The following ZNF526 variants were observed in gnomAD, a reference collection of about 807,000 sequenced individuals.
ZNF526 encodes zinc finger protein 526.
In ZNF526, 16 loss-of-function variants were observed where a neutral mutation model predicts 32.4. The ratio of observed to expected loss-of-function variants is 0.49; its 90% CI spans 0.33 to 0.75. The LOEUF (loss-of-function observed/expected upper bound fraction) is 0.75. Ranked by LOEUF, ZNF526 falls within the 30% of genes least tolerant of loss-of-function variation. ZNF526 has a pLI of 0.02. For missense variants in ZNF526, 838 were observed against 920.7 expected (o/e 0.91, Z 1.16); for synonymous variants, 355 against 363.4 (o/e 0.98, Z 0.26).
rs937203144 is a variant in ZNF526, at chr19:42,226,969, G to A, written c.*553G>A. 3 of 216,844 alleles carry A rather than the reference G, an allele frequency of 1.4e-5. No individual in the cohort carries two copies. Among genetic ancestry groups the A allele is most frequent in the African/African-American group, 6.9e-5 (3 of 43,262 alleles). 13.4% of individuals were successfully genotyped at this position (216,844 alleles called of 1,614,324 possible). ...AGACTGGGTGATGCTGGAGACCCAG[G>A]AGCAAGTCAGCACAGGCTCTGCCCA... On this transcript the variant is annotated 3_prime_UTR_variant, in exon 3 of 3. Coordinates refer to ENST00000301215, the MANE Select transcript of ZNF526 (RefSeq NM_133444.3).
rs372299932 is a variant in ZNF526 at position 42,224,369 on chromosome 19, C to T, written c.-17-18C>T. The T allele has an allele frequency of 2.1e-5, 33 of 1,601,396 alleles. No individual in the cohort carries two copies. Among genetic ancestry groups the T allele is most frequent in the Admixed American group, 1.5e-4 (9 of 59,980 alleles). ...TGGTTTCCTGCTGTCTCACTGGCTCCTGCCCCTCTTTCTCCAGGCACTGCC... is the reference window on the plus strand; with the variant it reads ...TGGTTTCCTGCTGTCTCACTGGCTCTTGCCCCTCTTTCTCCAGGCACTGCC... On this transcript the variant is annotated intron_variant, in intron 2 of 2. Transcript: ENST00000301215.
rs542226490 is a variant in ZNF526 at position 42,221,814 on chromosome 19, C to T, written c.-109+1427C>T. Among the ~76,000 whole-genome samples, 13 of 148,062 alleles carry T rather than the reference C, an allele frequency of 8.8e-5. No individual in the cohort carries two copies. In the East Asian group the frequency reaches 2.7e-3, roughly 30 times the overall value. On this transcript the variant is annotated intron_variant, in intron 1 of 2. Transcript: ENST00000301215. ...CCTGGGCAACAGAGTGAGACCCTGT[C>T]TCAAAAGGAGGAAAAAAAAAAAAAA...
chr19:42,227,219 C>G lies in ZNF526; in HGVS notation c.*803C>G, dbSNP rs912933777. ...GAAACAGACCTCCATGGTGGGAGATCAGGAGTTAAGGACTTCCTAGAGAAG... is the reference window on the plus strand; with the variant it reads ...GAAACAGACCTCCATGGTGGGAGATGAGGAGTTAAGGACTTCCTAGAGAAG... On this transcript the variant is annotated 3_prime_UTR_variant, in exon 3 of 3. Transcript: ENST00000301215. 1 of 167,356 alleles carries G rather than the reference C, an allele frequency of 6.0e-6. No individual in the cohort carries two copies. The highest frequency in any genetic ancestry group is 1.5e-5 in the Non-Finnish European group (1 of 68,402). The allele number at this position is 167,356 out of a possible 1,614,324, so 10.4% of individuals were successfully genotyped here.
Position 42,225,426 on chromosome 19 carries a change from C to A in ZNF526, c.1023C>A (p.Phe341Leu). ...THECTTCSKV[F>L]KKAASLEQHL... ...AGTGTACAACCTGCTCCAAGGTCTT[C>A]AAGAAAGCAGCATCGCTTGAGCAGC... The change falls in exon 3 of 3, where the codon TTC (phenylalanine) becomes TTA (leucine). Residue 341 changes from phenylalanine (F) to leucine (L), a missense_variant. Phe to Leu is a conservative substitution (Grantham distance 22, BLOSUM62 0). Transcript: ENST00000301215. 6.2e-7 allele frequency: 1 copy of A among 1,614,146 alleles called. No homozygotes were observed. The highest frequency in any genetic ancestry group is 1.1e-5 in the South Asian group (1 of 91,092).
rs1225042156 is a variant in ZNF526, at chr19:42,224,564, A to G, written c.161A>G (p.His54Arg). Residue 54 changes from histidine to arginine, a missense_variant, in exon 3 of 3, where the codon CAT becomes CGT. By Grantham distance (29) the His-to-Arg change is conservative. Transcript: ENST00000301215. ...EALASSLFFQ[H>R]HQFMCSECGS... Reference sequence around the variant, plus strand: ...CTTGCCTCATCCCTCTTCTTCCAGCATCACCAGTTCATGTGCTCTGAGTGT... The same window carrying G: ...CTTGCCTCATCCCTCTTCTTCCAGCGTCACCAGTTCATGTGCTCTGAGTGT... 6.2e-7 allele frequency: 1 copy of G among 1,614,236 alleles called. No homozygotes were observed. Among genetic ancestry groups the G allele is most frequent in the South Asian group, 1.1e-5 (1 of 91,086 alleles).
At chr19:42,220,568 G>C (rs2036111185) in intron 1 of ZNF526, 181 bp downstream of exon 1, 1 of 152,184 alleles carries the variant, frequency 6.6e-6, no homozygotes, top group South Asian at 2.1e-4. Context: ...TAGTGTGCGG[G>C]AGCCTACGCT....
chr19:42,226,122 C>T lies in ZNF526; in HGVS notation c.1719C>T (p.Tyr573=), dbSNP rs777479134. The change falls in exon 3 of 3, where the codon TAC becomes TAT. Residue 573 remains tyrosine (Y), a synonymous_variant. Transcript: ENST00000301215. ...CTGGTCTCTACAACAAGAGTCCCTA[C>T]TACTGCGGGACTTGTGGCCGCTGGT... is the stretch of plus-strand genomic sequence containing the variant. ...PITGLYNKSP[Y]YCGTCGRWFR... The T allele has an allele frequency of 6.2e-7, 1 of 1,606,202 alleles. No individual in the cohort carries two copies. The highest frequency in any genetic ancestry group is 8.5e-7 in the Non-Finnish European group (1 of 1,180,010).
At position 42,225,232 on chromosome 19, in the gene ZNF526, G is replaced by C. The variant is rs752238967; in HGVS notation, c.829G>C (p.Asp277His). 28 of 1,614,040 alleles carry C rather than the reference G, an allele frequency of 1.7e-5. No homozygotes were observed. The Middle Eastern group carries it at 4.9e-4, about 28-fold the overall frequency. The change falls in exon 3 of 3, where the codon GAC (aspartate) becomes CAC (histidine). Residue 277 changes from aspartate to histidine, a missense_variant. Coordinates refer to ENST00000301215, the MANE Select transcript of ZNF526 (RefSeq NM_133444.3). ...AGCTGGCTGGGCTCAGGGCTGCGGG[G>C]ACTGTCCCCAGCACCAGCCCTCAGC... ...STAGWAQGCGDCPQHQPSAGA... is the reference protein window; with the variant it reads ...STAGWAQGCGHCPQHQPSAGA...
Position 42,224,973 on chromosome 19 carries a change from C to T in ZNF526, c.570C>T (p.Ser190=), listed in dbSNP as rs751705385. 9.9e-6 allele frequency: 16 copies of T among 1,614,106 alleles called. No individual in the cohort carries two copies. The highest frequency in any genetic ancestry group is 1.7e-5 in the Admixed American group (1 of 60,006). The change falls in exon 3 of 3, where the codon TCC becomes TCT. Residue 190 remains serine (S), a synonymous_variant. Coordinates refer to ENST00000301215, the MANE Select transcript of ZNF526 (RefSeq NM_133444.3). ...CACTGCCTCCACCTTCTCCCCCATC[C>T]GAAGTCAAGATGGAGCCCTATGAGT... ...PTPLPPPSPP[S]EVKMEPYECP... is the part of the protein sequence containing the mutation.
intron 1 of ZNF526, among the ~76,000 whole-genome samples, chr19:42,221,613 A>G (rs1284702814): frequency 6.6e-6 from 1 of 152,110 alleles, no homozygotes; most frequent in Non-Finnish European, 1.5e-5. Context: ...AGCCTGGGCA[A>G]AAAGAGAGAA....
rs765748362 is a variant in ZNF526 at position 42,225,280 on chromosome 19, C to T, written c.877C>T (p.Arg293Trp). 3.5e-5 allele frequency: 56 copies of T among 1,612,842 alleles called. No homozygotes were observed. The highest frequency in any genetic ancestry group is 1.3e-4 in the East Asian group (6 of 44,868). Residue 293 changes from arginine to tryptophan, a missense_variant, in exon 3 of 3, where the codon CGG becomes TGG. Transcript: ENST00000301215. ...PSAGARRQHR[R>W]TAHSPASATH... ...AGCAGGGGCTCGCCGGCAACACCGG[C>T]GGACGGCTCACAGCCCGGCATCTGC...
In ZNF526 at chr19:42,226,066, G is replaced by A. The variant is rs774338663; in HGVS notation, c.1663G>A (p.Ala555Thr). ...CCGGCGGTTGCACTTGCGGCCAGTC[G>A]CCTTTGCCCGCGCCCCCCGCCTCCC... Reference protein sequence around the residue: ...QHRRLHLRPVAFARAPRLPIT... With the variant: ...QHRRLHLRPVTFARAPRLPIT... Residue 555 changes from alanine to threonine, a missense_variant, in exon 3 of 3, where the codon GCC becomes ACC. Ala to Thr is a moderately conservative substitution (Grantham distance 58). Coordinates refer to ENST00000301215, the MANE Select transcript of ZNF526 (RefSeq NM_133444.3). 37 of 1,608,096 alleles carry A rather than the reference G, an allele frequency of 2.3e-5. No homozygotes were observed. The South Asian group carries it at 2.4e-4, about 10-fold the overall frequency.
At position 42,225,326 on chromosome 19, in the gene ZNF526, G is replaced by A. The variant is rs1327542338; in HGVS notation, c.923G>A (p.Ser308Asn). Reference sequence around the variant, plus strand: ...TCTGCCACCCACCCCTTCCACTGCAGCCAGTGTCAGCGCAGTTTCAGCTCC... The same window carrying A: ...TCTGCCACCCACCCCTTCCACTGCAACCAGTGTCAGCGCAGTTTCAGCTCC... ...PASATHPFHC[S>N]QCQRSFSSAN... Residue 308 changes from serine (S) to asparagine (N), a missense_variant, in exon 3 of 3, where the codon AGC becomes AAC. Physicochemically the swap from Ser to Asn is conservative, Grantham distance 46 (BLOSUM62 1). Transcript: ENST00000301215. The A allele has an allele frequency of 6.2e-7, 1 of 1,613,214 alleles. No homozygotes were observed. Among genetic ancestry groups the A allele is most frequent in the South Asian group, 1.1e-5 (1 of 91,084 alleles).
intron 1 of ZNF526, chr19:42,220,767 T>C (rs2036114113): frequency 6.6e-6 from 1 of 152,038 alleles, no homozygotes; most frequent in Non-Finnish European, 1.5e-5. Flanking sequence ...AATTCAAGAG[T>C]GGGAGAAAGA....
Position 42,225,687 on chromosome 19 carries a change from G to GCCC in ZNF526, c.1285_1287dup (p.Pro429dup). The stretch of plus-strand genomic sequence containing the variant: ...CAACAGCTCCCCCAGCTCCAGCGGA[G>GCCC]CCCACCCCTCCACCACCACCCCCTG... On this transcript the variant is annotated inframe_insertion, in exon 3 of 3. Coordinates refer to ENST00000301215, the MANE Select transcript of ZNF526 (RefSeq NM_133444.3). The GCCC allele has an allele frequency of 1.2e-6, 2 of 1,610,648 alleles. No individual in the cohort carries two copies. The highest frequency in any genetic ancestry group is 1.7e-5 in the Admixed American group (1 of 59,750).
Position 42,224,414 on chromosome 19 carries a change from TG to T in ZNF526, c.13del (p.Val5TrpfsTer26). ...ACTGCCTTCCCCACAATGGCAGAGG[TG>T]GTGGCTGAGGTGGCCGAGATGCCAA... Reference protein sequence around the residue: MAEVVAEVAEMPTQ... With the variant: MAEXVAEVAEMPTQ... On this transcript the variant is annotated frameshift_variant, in exon 3 of 3. Transcript: ENST00000301215. LOFTEE classifies it low-confidence loss of function (END_TRUNC). 6.2e-7 allele frequency: 1 copy of T among 1,613,824 alleles called. No individual in the cohort carries two copies. The highest frequency in any genetic ancestry group is 8.5e-7 in the Non-Finnish European group (1 of 1,179,962).
In ZNF526 at chr19:42,224,374, CCT is replaced by C. The variant is rs1052189225; in HGVS notation, c.-17-10_-17-9del. ...TCCTGCTGTCTCACTGGCTCCTGCC[CCT>C]CTTTCTCCAGGCACTGCCTTCCCCA... On this transcript the variant is annotated splice_polypyrimidine_tract_variant and intron_variant, in intron 2 of 2. Transcript: ENST00000301215. 1.2e-6 allele frequency: 2 copies of C among 1,607,430 alleles called. No individual in the cohort carries two copies. The highest frequency in any genetic ancestry group is 1.7e-6 in the Non-Finnish European group (2 of 1,174,130).
At chr19:42,221,389 T>G (rs2036121495) in intron 1 of ZNF526, among the ~76,000 whole-genome samples, 1 of 151,966 alleles carries the variant, frequency 6.6e-6, no homozygotes, top group Admixed American at 6.6e-5. Flanking sequence ...TCCCAGCACT[T>G]TGGGAGACCA....
At position 42,225,805 on chromosome 19, in the gene ZNF526, C is replaced by T. The variant is rs780381672; in HGVS notation, c.1402C>T (p.Pro468Ser). The T allele has an allele frequency of 6.2e-7, 1 of 1,613,882 alleles. No individual in the cohort carries two copies. Among genetic ancestry groups the T allele is most frequent in the Non-Finnish European group, 8.5e-7 (1 of 1,180,002 alleles). Reference protein sequence around the residue: ...SRHRRAVHGPPERRHRCGVCG... With the variant: ...SRHRRAVHGPSERRHRCGVCG... ...GCACCGGCGTGCAGTACACGGGCCC[C>T]CTGAACGGCGTCACCGCTGTGGGGT... The change falls in exon 3 of 3, where the codon CCT (proline) becomes TCT (serine). Residue 468 changes from proline (P) to serine (S), a missense_variant. Pro to Ser is a moderately conservative substitution (Grantham distance 74). Coordinates refer to ENST00000301215, the MANE Select transcript of ZNF526 (RefSeq NM_133444.3).
Sources: gnomAD v4.1 joint callset for allele counts (sites outside exome capture counted in the v4.1 genomes callset) on GRCh38, gnomAD v4.1.1 for gene constraint, MANE v1.5 for transcripts, NCBI Gene and HGNC (gene_info 2026-07-23, HGNC 2026-07-21) for gene names.